PCDH15: variants seen among roughly 807,000 people sequenced by gnomAD.
PCDH15 encodes the protein protocadherin related 15, also known as protocadherin-15.
A neutral mutation model predicts 178.5 loss-of-function variants in PCDH15; 129 were observed. The ratio of observed to expected loss-of-function variants is 0.72; its 90% confidence interval spans 0.63 to 0.84. PCDH15 has a LOEUF of 0.84. PCDH15 is among the 40% of genes least tolerant of loss of function. The pLI is 0.00. For missense variants in PCDH15, 2,230 were observed against 2,099.9 expected, an observed-to-expected ratio of 1.06 and a Z score of -1.21; for synonymous variants, 800 against 732.0, an observed-to-expected ratio of 1.09 and a Z score of -1.50.
intron 2 of PCDH15, among the ~76,000 whole-genome samples, chr10:55,334,221 CATATATAT>C (rs34468887): frequency 8.0e-5 from 5 of 62,854 alleles, no homozygotes; most frequent in African/African-American, 3.3e-4. Flanking sequence ...TAGGGTGCTC[CATATATAT>C]ATATATATAT....
At chr10:55,060,290 T>C (rs1480950234) in intron 2 of PCDH15, among the ~76,000 whole-genome samples, 1 of 152,116 alleles carries the variant, frequency 6.6e-6, no homozygotes, top group Non-Finnish European at 1.5e-5. Context: ...AAGTATTTAT[T>C]GATATTATTA....
chr10:54,533,847 G>T (rs956710658), intron 2 of PCDH15, among the ~76,000 whole-genome samples: 1 of 152,128 alleles, frequency 6.6e-6, no homozygotes, highest in Non-Finnish European at 1.5e-5. Flanking sequence ...ATCTTTGGGG[G>T]AGTGTTTTAA....
rs1013702263 is a variant in PCDH15 at position 54,334,643 on chromosome 10, T to C, written c.595-4937A>G. On this transcript the variant is annotated intron_variant, in intron 6 of 37. Transcript: ENST00000644397. ...TGTAATATTCTCTTTTCAGCTGTGA[T>C]GACTAGAAATTCAGTTCAAAAGAAG... 5.9e-5 allele frequency among the ~76,000 whole-genome samples: 9 copies of C among 151,762 alleles called. No homozygotes were observed. The East Asian group carries it at 1.8e-3, about 30-fold the overall frequency.
chr10:55,256,799 C>T (rs557881091), intron 1 of PCDH15, among the ~76,000 whole-genome samples: 5 of 152,342 alleles, frequency 3.3e-5, no homozygotes, highest in Non-Finnish European at 7.3e-5. Flanking sequence ...CCTCTGGGGG[C>T]AGGGCATAGC....
chr10:54,250,880 G>C (rs1001138943), intron 8 of PCDH15, among the ~76,000 whole-genome samples: 7 of 152,006 alleles, frequency 4.6e-5, no homozygotes, highest in Non-Finnish European at 7.4e-5. Context: ...TGCTTTCCTT[G>C]TAAATAAAAT....
chr10:55,170,653 G>A (rs1284403234), intron 1 of PCDH15, among the ~76,000 whole-genome samples: 1 of 152,144 alleles, frequency 6.6e-6, no homozygotes, highest in Non-Finnish European at 1.5e-5. Context: ...GGAGGCTGAG[G>A]TGGGTGGATC....
chr10:54,400,628 C>T (rs1479167829), intron 3 of PCDH15, among the ~76,000 whole-genome samples: 1 of 151,786 alleles, frequency 6.6e-6, no homozygotes, highest in Non-Finnish European at 1.5e-5. Flanking sequence ...CTTTCAGTGC[C>T]CTGGAAAAGA....
chr10:54,578,241 G>A lies in PCDH15; in HGVS notation c.92-50364C>T, dbSNP rs188020468. 5.1e-3 allele frequency among the ~76,000 whole-genome samples: 777 copies of A among 151,998 alleles called. 3 individuals are homozygous for A. Among genetic ancestry groups the A allele is most frequent in the Non-Finnish European group, 8.7e-3 (588 of 67,966 alleles). ...TTTTTGTGCCTTTCAAAGTTTGAGG[G>A]CCCCTAATCTTGGGCATACAAATCA... is the stretch of plus-strand genomic sequence containing the variant. On this transcript the variant is annotated intron_variant, in intron 2 of 37. Coordinates refer to ENST00000644397, the MANE Select transcript of PCDH15 (RefSeq NM_001384140.1).
chr10:55,164,362 G>A (rs543952689), intron 2 of PCDH15, among the ~76,000 whole-genome samples: 192 of 151,132 alleles, frequency 1.3e-3, no homozygotes, highest in African/African-American at 4.5e-3. Context: ...TAAGACAACT[G>A]AGAACATCAT....
intron 3 of PCDH15, among the ~76,000 whole-genome samples, chr10:54,449,789 T>C (rs894386840): frequency 2.0e-5 from 3 of 151,738 alleles, no homozygotes; most frequent in African/African-American, 7.3e-5. Context: ...CTAGGCCATT[T>C]TATTAAAGGA....
chr10:54,074,791 A>T (rs147970202), intron 17 of PCDH15, among the ~76,000 whole-genome samples: 2 of 152,220 alleles, frequency 1.3e-5, no homozygotes, highest in East Asian at 1.9e-4. Flanking sequence ...CAGTGGTTGT[A>T]CCATTTTACA....
rs534333481 is a variant in PCDH15, at chr10:54,698,841, C to T, written c.-28-34551G>A. Among the ~76,000 whole-genome samples, 5 of 152,156 alleles carry T rather than the reference C, an allele frequency of 3.3e-5. 1 individual carries two copies. Among genetic ancestry groups the T allele is most frequent in the African/African-American group, 1.2e-4 (5 of 41,528 alleles). On this transcript the variant is annotated intron_variant, in intron 1 of 37. Transcript: ENST00000644397. ...AGCCACTTTTTATCTTTAGAAGGCA[C>T]CATTTTTTAACTATTGCCAGTGTCA...
intron 26 of PCDH15, among the ~76,000 whole-genome samples, chr10:53,888,695 ATATATAT>A (rs1429708091): frequency 0.017 from 873 of 52,540 alleles, 110 homozygotes; most frequent in African/African-American, 0.042. Flanking sequence ...ATATATATAT[ATATATAT>A]ATCTCCTGTG....
chr10:55,026,315 C>A (rs1440454575), intron 2 of PCDH15, among the ~76,000 whole-genome samples: 2 of 151,976 alleles, frequency 1.3e-5, no homozygotes, highest in Middle Eastern at 3.4e-3. Context: ...ATAGTCTATG[C>A]AGTGTGCCAG....
intron 15 of PCDH15, among the ~76,000 whole-genome samples, chr10:54,108,632 A>G (rs1035376420): frequency 6.6e-6 from 1 of 152,114 alleles, no homozygotes; most frequent in African/African-American, 2.4e-5. Flanking sequence ...CTAGGATGGC[A>G]TGTGACCTAC....
At chr10:54,515,681 C>G (rs1274478268) in intron 3 of PCDH15, among the ~76,000 whole-genome samples, 1 of 152,226 alleles carries the variant, frequency 6.6e-6, no homozygotes, top group Non-Finnish European at 1.5e-5. Context: ...CAGACTGCCT[C>G]CTTAAGTGGG....
At chr10:53,829,054 A>G (rs938222335) in intron 30 of PCDH15, among the ~76,000 whole-genome samples, 5 of 152,194 alleles carry the variant, frequency 3.3e-5, no homozygotes, top group African/African-American at 9.7e-5. Context: ...CAGTTTTTAC[A>G]TATTTGCTTT....
intron 6 of PCDH15, among the ~76,000 whole-genome samples, chr10:54,336,300 T>C (rs375403399): frequency 6.6e-6 from 1 of 152,250 alleles, no homozygotes. Flanking sequence ...GAAATTTGCA[T>C]AAGTAATGAG....
In PCDH15 at chr10:54,900,706, C is replaced by T. The variant is rs148531475; in HGVS notation, c.-79-3206G>A. 1.1e-3 allele frequency among the ~76,000 whole-genome samples: 163 copies of T among 152,164 alleles called. 1 individual carries two copies. In the East Asian group the frequency reaches 0.031, roughly 29 times the overall value. On this transcript the variant is annotated intron_variant, in intron 2 of 5. Coordinates refer to the PCDH15 transcript ENST00000458638. ...GACAATGTATAAATGGCAACAATAC[C>T]TTGTTCTAGATATGAATTTCACTAC...
Sources: allele counts gnomAD v4.1 joint callset (sites outside exome capture counted in the v4.1 genomes callset), GRCh38; gene constraint gnomAD v4.1.1; transcripts MANE v1.5; gene names NCBI Gene and HGNC (gene_info 2026-07-23, HGNC 2026-07-21).